The following BRD4 variants were observed in gnomAD, a reference collection of about 807,000 sequenced individuals.
BRD4 encodes the protein bromodomain containing 4.
Under a neutral mutation model 142.1 loss-of-function variants are expected in BRD4, and 16 were observed. The observed-to-expected ratio is 0.11, with a 90% confidence interval of 0.08 to 0.17. The LOEUF (loss-of-function observed/expected upper bound fraction) is 0.17, where lower values mean the gene tolerates loss of function less well. Among genes scored for constraint, BRD4 ranks in the 10% least tolerant of loss-of-function variants. The pLI is 1.00. For synonymous variants in BRD4, 833 were observed against 707.5 expected (o/e 1.18, Z -2.82); for missense variants, 1,424 against 1,810.9 (o/e 0.79, Z 3.88).
chr19:15,276,750 G>A (rs1372698414), intron 1 of BRD4, among the ~76,000 whole-genome samples: 1 of 152,182 alleles, frequency 6.6e-6, no homozygotes, highest in Non-Finnish European at 1.5e-5. Flanking sequence ...GAGACCACCA[G>A]ACTCAGTCAC....
chr19:15,294,978 TC>T (rs2047811838), intron 1 of BRD4, among the ~76,000 whole-genome samples: 1 of 152,236 alleles, frequency 6.6e-6, no homozygotes, highest in Non-Finnish European at 1.5e-5. Context: ...ATGAATGTTT[TC>T]CGTCTAAACA....
chr19:15,274,134 G>A (rs1379169740), intron 1 of BRD4, among the ~76,000 whole-genome samples: 1 of 152,224 alleles, frequency 6.6e-6, no homozygotes. Flanking sequence ...AATGACACAA[G>A]CCACATATCA....
chr19:15,292,141 A>G (rs1447946051), intron 1 of BRD4, among the ~76,000 whole-genome samples: 1 of 152,236 alleles, frequency 6.6e-6, no homozygotes, highest in Non-Finnish European at 1.5e-5. Flanking sequence ...TAATTGGGAA[A>G]GCAAGCCAAA....
chr19:15,317,809 C>T (rs1189493794), intron 1 of BRD4, among the ~76,000 whole-genome samples: 1 of 152,234 alleles, frequency 6.6e-6, no homozygotes, highest in Non-Finnish European at 1.5e-5. Flanking sequence ...ACCGCTCTAA[C>T]ACTGGTAATT....
rs543379300 is a variant in BRD4, at chr19:15,247,059, C to T, written c.2159-2297G>A. 1.4e-4 allele frequency: 27 copies of T among 194,636 alleles called. 1 individual carries two copies. In the South Asian group the frequency reaches 4.8e-3, roughly 35 times the overall value. The allele number at this position is 194,636 out of a possible 1,614,324, so 12.1% of individuals were successfully genotyped here. A position where few individuals can be genotyped will look rare whatever the true frequency, so the allele number is the denominator to read the frequency against. On this transcript the variant is annotated intron_variant, in intron 11 of 19. Coordinates refer to ENST00000679869, the MANE Select transcript of BRD4 (RefSeq NM_001379291.1). The stretch of plus-strand genomic sequence containing the variant: ...GGTTACATGAAGATGGCCTCAAGTA[C>T]GGTGTGATCTTTATTCCATGACAAT...
In BRD4 at chr19:15,243,375, G is replaced by A. The variant is rs2145511948; in HGVS notation, c.2694C>T (p.Pro898=). 2.0e-6 allele frequency: 3 copies of A among 1,523,846 alleles called. No individual in the cohort carries two copies. The highest frequency in any genetic ancestry group is 1.4e-5 in the African/African-American group (1 of 71,808). The allele number at this position is 1,523,846 out of a possible 1,614,324, so 94.4% of individuals were successfully genotyped here. The change falls in exon 14 of 20, where the codon CCC becomes CCT. Residue 898 remains proline, a synonymous_variant. Coordinates refer to ENST00000679869, the MANE Select transcript of BRD4 (RefSeq NM_001379291.1). The stretch of plus-strand genomic sequence containing the variant: ...GGGCCATGGGGGGCTGTGGGAGCAG[G>A]GGTGTTTGGGTCAAGGCTGGTGACA... ...PAVSPALTQT[P]LLPQPPMAQP...
chr19:15,263,272 G>T, intron 7 of BRD4, 148 bp downstream of exon 7: 1 of 1,002,810 alleles, frequency 1.0e-6, no homozygotes, highest in South Asian at 1.6e-5. Context: ...TATGCACTAG[G>T]CTGACTTTAG....
intron 11 of BRD4, 97 bp downstream of exon 11, chr19:15,254,055 C>T (rs1599448343): frequency 5.8e-6 from 6 of 1,030,136 alleles, no homozygotes; most frequent in Non-Finnish European, 8.9e-6. Flanking sequence ...CTGGGAGTGC[C>T]GTCTCTGGGC....
At position 15,243,358 on chromosome 19, in the gene BRD4, G is replaced by C; in HGVS notation, c.2711C>G (p.Pro904Arg). 1.3e-6 allele frequency: 2 copies of C among 1,504,576 alleles called. No homozygotes were observed. Among genetic ancestry groups the C allele is most frequent in the Non-Finnish European group, 8.9e-7 (1 of 1,129,252 alleles). 93.2% of individuals were successfully genotyped at this position (1,504,576 alleles called of 1,614,324 possible). A position where few individuals can be genotyped will look rare whatever the true frequency, so the allele number is the denominator to read the frequency against. ...LTQTPLLPQP[P>R]MAQPPQVLLE... Reference sequence around the variant, plus strand: ...CAGCACTTGGGGGGGTTGGGCCATGGGGGGCTGTGGGAGCAGGGGTGTTTG... The same window carrying C: ...CAGCACTTGGGGGGGTTGGGCCATGCGGGGCTGTGGGAGCAGGGGTGTTTG... The change falls in exon 14 of 20, where the codon CCC (proline) becomes CGC (arginine). Residue 904 changes from proline (P) to arginine (R), a missense_variant. Pro to Arg is a moderately radical substitution (Grantham distance 103). This residue lies in a region of BRD4 where 598 missense variants were observed against 647.8 expected (regional missense o/e 0.92). Coordinates refer to ENST00000679869, the MANE Select transcript of BRD4 (RefSeq NM_001379291.1).
intron 6 of BRD4, 21 bp from the exon 7 acceptor site, chr19:15,263,569 C>T: frequency 1.2e-6 from 2 of 1,613,076 alleles, no homozygotes; most frequent in Non-Finnish European, 1.7e-6. Context: ...AGACAAGTCC[C>T]TGTTAGCTGT....
intron 1 of BRD4, among the ~76,000 whole-genome samples, chr19:15,328,290 C>A (rs1568414849): frequency 6.6e-6 from 1 of 151,952 alleles, no homozygotes; most frequent in African/African-American, 2.4e-5. Context: ...TAAAAAAAAA[C>A]TTAACAGGTT....
intron 10 of BRD4, 90 bp downstream of exon 10, chr19:15,255,207 G>GGC: frequency 7.8e-7 from 1 of 1,281,216 alleles, no homozygotes; most frequent in Non-Finnish European, 1.1e-6. Context: ...AAAGGGGGGG[G>GGC]GCGCAGAAAG....
chr19:15,293,138 A>G (rs929381301), intron 1 of BRD4, among the ~76,000 whole-genome samples: 2 of 152,110 alleles, frequency 1.3e-5, no homozygotes, highest in African/African-American at 4.8e-5. Context: ...TAAATAAATA[A>G]GCTCATCTTT....
chr19:15,326,050 G>A (rs2048105735), intron 1 of BRD4, among the ~76,000 whole-genome samples: 1 of 139,366 alleles, frequency 7.2e-6, no homozygotes, highest in Admixed American at 7.2e-5. Flanking sequence ...TGGAAATCAT[G>A]TCCAAATGTC....
chr19:15,254,620 G>A (rs1241467185), intron 10 of BRD4, among the ~76,000 whole-genome samples: 2 of 152,160 alleles, frequency 1.3e-5, no homozygotes, highest in Non-Finnish European at 2.9e-5. Flanking sequence ...GGAAGAAGAA[G>A]ATCCAAAAGG....
In BRD4 at chr19:15,244,515, G is replaced by A. The variant is rs775700444; in HGVS notation, c.2297C>T (p.Pro766Leu). Residue 766 changes from proline (P) to leucine (L), a missense_variant, in exon 13 of 20, where the codon CCG (proline) becomes CTG (leucine). Physicochemically the swap from Pro to Leu is moderately conservative, Grantham distance 98. This residue lies in a region of BRD4 where 598 missense variants were observed against 647.8 expected (regional missense o/e 0.92). Coordinates refer to ENST00000679869, the MANE Select transcript of BRD4 (RefSeq NM_001379291.1). ...QPPPPPQQPP[P>L]PPPPQQQQQP... is the part of the protein sequence containing the mutation. ...CTGTTGCTGCTGCGGAGGTGGAGGC[G>A]GTGGGGGCTGCTGGGGAGGCGGGGG... 20 of 1,549,566 alleles carry A rather than the reference G, an allele frequency of 1.3e-5. No individual in the cohort carries two copies. The highest frequency in any genetic ancestry group is 1.9e-5 in the Admixed American group (1 of 52,216).
chr19:15,252,647 T>C (rs113239046), intron 11 of BRD4, among the ~76,000 whole-genome samples: 8 of 152,190 alleles, frequency 5.3e-5, no homozygotes, highest in South Asian at 2.1e-4. Context: ...ACAAAAGCAG[T>C]GTGGGGAGAG....
At chr19:15,267,575 G>A (rs1401703264) in intron 3 of BRD4, 24 bp from the exon 4 acceptor site, 15 of 1,609,074 alleles carry the variant, frequency 9.3e-6, no homozygotes, top group Admixed American at 1.7e-5. Context: ...CACAGGGGTA[G>A]AGTCAGAGGG....
chr19:15,286,001 C>T (rs369285191), intron 1 of BRD4, among the ~76,000 whole-genome samples: 4 of 152,090 alleles, frequency 2.6e-5, no homozygotes, highest in Admixed American at 2.0e-4. Flanking sequence ...TAAGTTATTC[C>T]CAGGTTCTCC....
Sources: gnomAD v4.1 joint callset for allele counts (sites outside exome capture counted in the v4.1 genomes callset) on GRCh38, gnomAD v4.1.1 for gene constraint, gnomAD v4.1.1 regional missense constraint, MANE v1.5 for transcripts, NCBI Gene and HGNC (gene_info 2026-07-23, HGNC 2026-07-21) for gene names.